Variants in EIF3M observed in about 807,000 individuals in gnomAD.
EIF3M encodes B5 receptor.
EIF3M carries 25 observed loss-of-function variants against 49.7 expected under a neutral mutation model. That is an observed-to-expected ratio of 0.50 (90% CI 0.37 to 0.70). The LOEUF (loss-of-function observed/expected upper bound fraction) is 0.70. Ranked by LOEUF, EIF3M falls within the 30% of genes least tolerant of loss-of-function variation. The pLI, the probability that EIF3M is intolerant of heterozygous loss-of-function variation, is 0.00. For missense variants in EIF3M, 350 were observed against 440.0 expected, an observed-to-expected ratio of 0.80 and a Z score of 1.83; for synonymous variants, 156 against 149.8, an observed-to-expected ratio of 1.04 and a Z score of -0.30.
intron 1 of EIF3M, among the ~76,000 whole-genome samples, chr11:32,586,778 G>A (rs569134553): frequency 5.8e-4 from 89 of 152,238 alleles, no homozygotes; most frequent in Non-Finnish European, 1.1e-3. Flanking sequence ...GAGAAATTCT[G>A]AAGGTGATCC....
rs796738414 is a variant in EIF3M, at chr11:32,584,607, CAAAA to C, written c.42+696_42+699del. On this transcript the variant is annotated intron_variant, in intron 1 of 10. Transcript: ENST00000531120. The stretch of plus-strand genomic sequence containing the variant: ...TGGGCGACAGAGCGAGAGTCCCTCT[CAAAA>C]AAAAAAAAAAAAAAAAAGATCAAAA... 2.6e-3 allele frequency among the ~76,000 whole-genome samples: 162 copies of C among 62,306 alleles called. 2 individuals are homozygous for C. Among genetic ancestry groups the C allele is most frequent in the African/African-American group, 8.8e-3 (147 of 16,766 alleles). The allele number at this position is 62,306 out of a possible 152,430, so 40.9% of individuals were successfully genotyped here.
chr11:32,589,461 G>A, intron 4 of EIF3M, 86 bp from the exon 5 acceptor site: 4 of 1,335,636 alleles, frequency 3.0e-6, no homozygotes, highest in South Asian at 1.3e-5. Flanking sequence ...ATAGGCGTGA[G>A]CCACCACGCC....
At chr11:32,589,434 C>T (rs754809465) in intron 4 of EIF3M, 113 bp from the exon 5 acceptor site, 28 of 1,114,600 alleles carry the variant, frequency 2.5e-5, no homozygotes, top group Non-Finnish European at 3.3e-5. Context: ...CCTTGGCCTC[C>T]CAAAGTGCTG....
chr11:32,602,254 CTG>C (rs760538055), intron 10 of EIF3M, 23 bp from the exon 11 acceptor site: 7 of 1,601,562 alleles, frequency 4.4e-6, no homozygotes, highest in South Asian at 2.3e-5. Flanking sequence ...TTGACTAACA[CTG>C]TGTTTAATTT....
chr11:32,592,296 C>A, intron 5 of EIF3M: 1 of 512,410 alleles, frequency 2.0e-6, no homozygotes, highest in South Asian at 1.6e-5. Context: ...ATTTCTGAAC[C>A]ACAATTTTAT....
In EIF3M at chr11:32,601,752, C is replaced by A. The variant is rs369869761; in HGVS notation, c.944-10C>A. 2.6e-5 allele frequency: 42 copies of A among 1,609,218 alleles called. No homozygotes were observed. In the African/African-American group the frequency reaches 5.5e-4, roughly 21 times the overall value. On this transcript the variant is annotated splice_polypyrimidine_tract_variant and intron_variant, in intron 9 of 10. Transcript: ENST00000531120. ...CCATATAACATACGATATAAAACAT[C>A]TTTTTTCAGCCGTAAGAACTAAAAT...
rs1854947479 is a variant in EIF3M, at chr11:32,583,938, C to T, written c.42+9C>T. On this transcript the variant is annotated intron_variant, in intron 1 of 10. Coordinates refer to ENST00000531120, the MANE Select transcript of EIF3M (RefSeq NM_006360.6). ...TCAGTGAAGAAGATCAGGTGTGCTT[C>T]GGTCTACGGGTGCCGCCACGGTGGG... 2.5e-6 allele frequency: 4 copies of T among 1,612,148 alleles called. No homozygotes were observed. The highest frequency in any genetic ancestry group is 1.4e-5 in the African/African-American group (1 of 73,530).
At chr11:32,587,355 A>T (rs962993029) in intron 2 of EIF3M, among the ~76,000 whole-genome samples, 2 of 152,182 alleles carry the variant, frequency 1.3e-5, no homozygotes, top group African/African-American at 4.8e-5. Context: ...CACAGGTGAT[A>T]TTTTGATACA....
At chr11:32,602,109 A>G in intron 10 of EIF3M, 170 bp from the exon 11 acceptor site, 1 of 1,099,650 alleles carries the variant, frequency 9.1e-7, no homozygotes. Context: ...GCTTAGGATC[A>G]ATATGGTAAA....
intron 7 of EIF3M, among the ~76,000 whole-genome samples, chr11:32,595,631 T>G (rs1351494502): frequency 6.6e-6 from 1 of 152,208 alleles, no homozygotes; most frequent in Non-Finnish European, 1.5e-5. Context: ...TAGCCCCACT[T>G]AGGAATATAA....
chr11:32,602,854 C>CT lies in EIF3M; in HGVS notation c.*459dup, dbSNP rs781654336. ...TTTTTCCAACGTCTCTTCTGCTTTT[C>CT]TTTTCTTTGGCTGGTTGTCATTTTC... On this transcript the variant is annotated 3_prime_UTR_variant, in exon 11 of 11. Coordinates refer to ENST00000531120, the MANE Select transcript of EIF3M (RefSeq NM_006360.6). 16 of 1,608,456 alleles carry CT rather than the reference C, an allele frequency of 9.9e-6. No individual in the cohort carries two copies. The highest frequency in any genetic ancestry group is 1.7e-4 in the Middle Eastern group (1 of 6,038).
chr11:32,587,190 A>C (rs896296867), intron 2 of EIF3M, 46 bp downstream of exon 2: 1 of 1,518,504 alleles, frequency 6.6e-7, no homozygotes, highest in Non-Finnish European at 8.8e-7. Context: ...AAATCTTTTA[A>C]ATTTTTCTTG....
intron 5 of EIF3M, chr11:32,592,606 A>C (rs954793881): frequency 1.7e-5 from 9 of 531,016 alleles, no homozygotes; most frequent in Non-Finnish European, 2.6e-5. Context: ...ACAAAACCAG[A>C]GTTTGTGGAA....
rs531170953 is a variant in EIF3M, at chr11:32,588,727, G to T, written c.309G>T (p.Leu103=). The part of the protein sequence containing the change: ...FREGERPSLR[L]QLLSNLFHGM... ...AAGGTGAACGCCCGTCTCTGAGACT[G>T]CAGTTGTAAGTTAAGATCTGAAAGA... The change falls in exon 3 of 11, where the codon CTG becomes CTT. Residue 103 remains leucine, a synonymous_variant. Transcript: ENST00000531120. The T allele has an allele frequency of 1.7e-4, 279 of 1,614,138 alleles. 2 individuals are homozygous for T. The South Asian group carries it at 2.9e-3, about 17-fold the overall frequency.
At chr11:32,600,956 T>G (rs1425670089) in intron 9 of EIF3M, 124 bp downstream of exon 9, 1 of 1,233,496 alleles carries the variant, frequency 8.1e-7, no homozygotes, top group Non-Finnish European at 1.1e-6. Context: ...CAGATGTGTA[T>G]TTAGTAGATT....
At chr11:32,601,503 A>T (rs1045936534) in intron 9 of EIF3M, 1,449 of 32,668 alleles carry the variant, frequency 0.044, 3 homozygotes, top group African/African-American at 0.1. Flanking sequence ...GCATTCTTTA[A>T]AAAAAAAAAA....
intron 5 of EIF3M, chr11:32,592,314 A>G: frequency 1.9e-6 from 1 of 538,538 alleles, no homozygotes; most frequent in Admixed American, 2.1e-5. Context: ...TATCATGATC[A>G]TCAAAAGTTA....
chr11:32,589,999 A>G (rs1156984952), intron 5 of EIF3M, among the ~76,000 whole-genome samples: 1 of 152,126 alleles, frequency 6.6e-6, no homozygotes, highest in Admixed American at 6.5e-5. Flanking sequence ...ACTTTGTGTT[A>G]ATGTAAATAT....
intron 10 of EIF3M, 40 bp downstream of exon 10, chr11:32,601,862 T>A (rs1351240894): frequency 1.3e-6 from 2 of 1,598,858 alleles, no homozygotes; most frequent in African/African-American, 1.4e-5. Context: ...ATAGAACGAT[T>A]TAGTTTGTTC....
Sources: gnomAD v4.1 joint callset for allele counts (sites outside exome capture counted in the v4.1 genomes callset) on GRCh38, gnomAD v4.1.1 for gene constraint, MANE v1.5 for transcripts, NCBI Gene and HGNC (gene_info 2026-07-23, HGNC 2026-07-21) for gene names.